The following C19orf12 variants were observed in gnomAD, a reference collection of about 807,000 sequenced individuals.
C19orf12 encodes chromosome 19 open reading frame 12, also known as protein C19orf12.
C19orf12 carries 2 observed loss-of-function variants against 3.8 expected under a neutral mutation model. That is an observed-to-expected ratio of 0.53 (90% confidence interval 0.22 to 1.66). The LOEUF (loss-of-function observed/expected upper bound fraction) is 1.66. Among genes scored for constraint, C19orf12 ranks in the 40% most tolerant of loss-of-function variants. The pLI is 0.20. For missense variants in C19orf12, 156 were observed against 188.8 expected (o/e 0.83, Z 1.02); for synonymous variants, 89 against 84.6 (o/e 1.05, Z -0.28).
At chr19:29,713,273 A>G (rs1317160192) in intron 1 of C19orf12, among the ~76,000 whole-genome samples, 1 of 151,722 alleles carries the variant, frequency 6.6e-6, no homozygotes, top group Non-Finnish European at 1.5e-5. Flanking sequence ...CCACTGTATC[A>G]CACCTATTTC....
chr19:29,712,190 G>A (rs559799207), intron 1 of C19orf12, among the ~76,000 whole-genome samples: 3 of 152,230 alleles, frequency 2.0e-5, no homozygotes, highest in Middle Eastern at 6.8e-3. Flanking sequence ...CAGATCACGA[G>A]GTCAAGAGAT....
chr19:29,714,047 G>A (rs1266411584), intron 1 of C19orf12, among the ~76,000 whole-genome samples: 8 of 142,794 alleles, frequency 5.6e-5, no homozygotes, highest in Non-Finnish European at 9.1e-5. Flanking sequence ...GCTTTTTGTT[G>A]TTGCTGGTGT....
At chr19:29,707,929 T>G (rs1038077135) in intron 2 of C19orf12, among the ~76,000 whole-genome samples, 1 of 151,130 alleles carries the variant, frequency 6.6e-6, no homozygotes, top group Non-Finnish European at 1.5e-5. Context: ...TGGAGTACAA[T>G]GGCATGATCT....
chr19:29,708,286 C>G lies in C19orf12; in HGVS notation c.128G>C (p.Gly43Ala), dbSNP rs1290663916. The G allele has an allele frequency of 5.6e-6, 9 of 1,613,164 alleles. No homozygotes were observed. The African/African-American group carries it at 1.2e-4, about 22-fold the overall frequency. Residue 43 changes from glycine (G) to alanine (A), a missense_variant, in exon 2 of 3, where the codon GGT becomes GCT. Coordinates refer to ENST00000323670, the MANE Select transcript of C19orf12 (RefSeq NM_031448.6). The part of the protein sequence containing the change: ...LVTGAMAFVG[G>A]LVGGPPGLAV... ...GAGTCCCGGTGGGCCGCCCACCAAACCCCCGACGAAGGCCATGGCCCCTGT... is the reference window on the plus strand; with the variant it reads ...GAGTCCCGGTGGGCCGCCCACCAAAGCCCCGACGAAGGCCATGGCCCCTGT...
chr19:29,711,866 C>T (rs542855384), intron 1 of C19orf12, among the ~76,000 whole-genome samples: 1 of 152,100 alleles, frequency 6.6e-6, no homozygotes, highest in African/African-American at 2.4e-5. Flanking sequence ...AATGCTACTT[C>T]CAGCTCTACC....
At chr19:29,709,008 C>T (rs1210086747) in intron 1 of C19orf12, among the ~76,000 whole-genome samples, 7 of 152,160 alleles carry the variant, frequency 4.6e-5, no homozygotes, top group Non-Finnish European at 7.3e-5. Context: ...AAGTGCCTGG[C>T]GTAAGTCTGG....
At position 29,699,707 on chromosome 19, in the gene C19orf12, A is replaced by C. The variant is rs1273435102; in HGVS notation, c.*3005T>G. The C allele has an allele frequency of 2.2e-6, 1 of 454,118 alleles. No homozygotes were observed. Among genetic ancestry groups the C allele is most frequent in the Admixed American group, 2.3e-5 (1 of 42,576 alleles). 28.1% of individuals were successfully genotyped at this position (454,118 alleles called of 1,614,324 possible). ...CTTACTTTAAAACAGAGTTAAAGGA[A>C]TACACATGAAATTGGTAACAGTGGC... On this transcript the variant is annotated 3_prime_UTR_variant, in exon 3 of 3. Transcript: ENST00000323670.
At position 29,701,574 on chromosome 19, in the gene C19orf12, C is replaced by G. The variant is rs1301066273; in HGVS notation, c.*1138G>C. On this transcript the variant is annotated 3_prime_UTR_variant, in exon 3 of 3. Transcript: ENST00000323670. The stretch of plus-strand genomic sequence containing the variant: ...ATGTGGAGACCACAGTTACGGAGAG[C>G]TGACTGTACTGGGGAAATCTTTAGG... The G allele has an allele frequency of 8.8e-6, 4 of 454,040 alleles. No individual in the cohort carries two copies. The highest frequency in any genetic ancestry group is 1.3e-5 in the Non-Finnish European group (3 of 226,796). 28.1% of individuals were successfully genotyped at this position (454,040 alleles called of 1,614,324 possible).
chr19:29,703,695 G>C (rs1357264477), intron 2 of C19orf12, among the ~76,000 whole-genome samples: 1 of 152,056 alleles, frequency 6.6e-6, no homozygotes, highest in African/African-American at 2.4e-5. Flanking sequence ...GCATTTTCAA[G>C]AGAAACCATC....
intron 1 of C19orf12, chr19:29,714,885 T>C (rs371624260): frequency 1.1e-4 from 60 of 543,594 alleles, no homozygotes; most frequent in Admixed American, 8.6e-4. Flanking sequence ...CCCGGGACTC[T>C]AGTCCCAGCT....
chr19:29,710,876 C>T (rs989417484), intron 1 of C19orf12, among the ~76,000 whole-genome samples: 20 of 152,052 alleles, frequency 1.3e-4, no homozygotes, highest in Non-Finnish European at 2.6e-4. Flanking sequence ...AATGTCTAAA[C>T]GATAAAATGG....
At chr19:29,712,721 C>T (rs1972747605) in intron 1 of C19orf12, among the ~76,000 whole-genome samples, 1 of 152,104 alleles carries the variant, frequency 6.6e-6, no homozygotes, top group African/African-American at 2.4e-5. Context: ...TTCTGGGACC[C>T]CTCTCTGATC....
At position 29,710,418 on chromosome 19, in the gene C19orf12, G is replaced by T. The variant is rs568056779; in HGVS notation, c.-10-1995C>A. Among the ~76,000 whole-genome samples, 418 of 152,170 alleles carry T rather than the reference G, an allele frequency of 2.7e-3. 3 individuals are homozygous for T. Among genetic ancestry groups the T allele is most frequent in the African/African-American group, 9.7e-3 (403 of 41,516 alleles). On this transcript the variant is annotated intron_variant, in intron 1 of 2. Coordinates refer to ENST00000323670, the MANE Select transcript of C19orf12 (RefSeq NM_031448.6). ...CCTGTGATTCTCCACAAGTGCACGG[G>T]AATCACTGAAAACCTTGTCAGATAC...
intron 1 of C19orf12, among the ~76,000 whole-genome samples, chr19:29,711,116 T>C (rs1972653508): frequency 7.3e-6 from 1 of 136,604 alleles, no homozygotes; most frequent in Non-Finnish European, 1.5e-5. Flanking sequence ...CTCGGCTCAC[T>C]GCAGCCTCCG....
intron 2 of C19orf12, 79 bp from the exon 3 acceptor site, chr19:29,703,056 C>G: frequency 6.3e-7 from 1 of 1,577,826 alleles, no homozygotes; most frequent in South Asian, 1.1e-5. Flanking sequence ...TGAGTGCACA[C>G]CACCATCACC....
At chr19:29,714,566 C>T (rs1442799413) in intron 1 of C19orf12, among the ~76,000 whole-genome samples, 1 of 152,150 alleles carries the variant, frequency 6.6e-6, no homozygotes, top group East Asian at 1.9e-4. Context: ...CCCTTCCTGA[C>T]CAAATCTAAA....
At chr19:29,714,960 CACTA>C (rs1972882953) in intron 1 of C19orf12, 161 bp downstream of exon 1, 3 of 716,106 alleles carry the variant, frequency 4.2e-6, no homozygotes, top group Non-Finnish European at 7.8e-6. Context: ...ACAATGACTA[CACTA>C]ACAGTGTCCA....
At chr19:29,709,829 C>T (rs1972580346) in intron 1 of C19orf12, among the ~76,000 whole-genome samples, 1 of 151,998 alleles carries the variant, frequency 6.6e-6, no homozygotes, top group Admixed American at 6.6e-5. Context: ...TACATTTGAC[C>T]TTAATATCTT....
intron 2 of C19orf12, among the ~76,000 whole-genome samples, chr19:29,707,790 C>G (rs1371385047): frequency 2.0e-5 from 3 of 152,140 alleles, no homozygotes; most frequent in African/African-American, 7.2e-5. Flanking sequence ...ATCTTTAACT[C>G]CACCAACTCC....
Sources: gnomAD v4.1 joint callset for allele counts (sites outside exome capture counted in the v4.1 genomes callset) on GRCh38, gnomAD v4.1.1 for gene constraint, MANE v1.5 for transcripts, NCBI Gene and HGNC (gene_info 2026-07-23, HGNC 2026-07-21) for gene names.